YY1: variants seen among roughly 807,000 people sequenced by gnomAD.
YY1 encodes the protein transcriptional repressor protein YY1.
A neutral mutation model predicts 35.6 loss-of-function variants in YY1; 2 were observed. The ratio of observed to expected loss-of-function variants is 0.06; its 90% CI spans 0.02 to 0.18. The LOEUF (loss-of-function observed/expected upper bound fraction) is 0.18. YY1 is among the 10% of genes least tolerant of loss of function. The pLI is 1.00. For missense variants in YY1, 322 were observed against 573.4 expected (o/e 0.56, Z 4.48); for synonymous variants, 268 against 238.9 (o/e 1.12, Z -1.12).
Position 100,250,113 on chromosome 14 carries a change from G to A in YY1, c.679+10190G>A, listed in dbSNP as rs148969053. Among the ~76,000 whole-genome samples, 79 of 152,256 alleles carry A rather than the reference G, an allele frequency of 5.2e-4. 2 individuals are homozygous for A. The highest frequency in any genetic ancestry group is 1.7e-3 in the African/African-American group (70 of 41,540). On this transcript the variant is annotated intron_variant, in intron 1 of 4. Coordinates refer to ENST00000262238, the MANE Select transcript of YY1 (RefSeq NM_003403.5). Reference sequence around the variant, plus strand: ...AGATACATTGCTTGTCATTTCTGAGGTCAGTTTCTTCAGCCAAAAACATAG... The same window carrying A: ...AGATACATTGCTTGTCATTTCTGAGATCAGTTTCTTCAGCCAAAAACATAG...
chr14:100,241,100 T>G (rs761316841), intron 1 of YY1, among the ~76,000 whole-genome samples: 1 of 152,244 alleles, frequency 6.6e-6, no homozygotes, highest in Non-Finnish European at 1.5e-5. Flanking sequence ...AATTCAATGC[T>G]GGTTTTTTAG....
intron 1 of YY1, among the ~76,000 whole-genome samples, chr14:100,253,358 A>T (rs1293948801): frequency 1.3e-5 from 2 of 152,176 alleles, no homozygotes; most frequent in Admixed American, 1.3e-4. Flanking sequence ...CTTTTTCAGT[A>T]GTAATTATGA....
rs571580380 is a variant in YY1, at chr14:100,245,539, G to T, written c.679+5616G>T. The stretch of plus-strand genomic sequence containing the variant: ...TAAACATTTCAGTGTTGATAGATTG[G>T]GGCACAGTACTATATATTTTTTCCC... On this transcript the variant is annotated intron_variant, in intron 1 of 4. Coordinates refer to ENST00000262238, the MANE Select transcript of YY1 (RefSeq NM_003403.5). 1.5e-4 allele frequency among the ~76,000 whole-genome samples: 23 copies of T among 151,756 alleles called. 1 individual carries two copies. In the South Asian group the frequency reaches 4.2e-3, roughly 27 times the overall value.
intron 1 of YY1, among the ~76,000 whole-genome samples, chr14:100,254,815 C>A (rs1274964182): frequency 6.7e-6 from 1 of 150,304 alleles, no homozygotes; most frequent in Admixed American, 6.7e-5. Context: ...CAGTGTCGCC[C>A]GGGCTAGAGT....
intron 1 of YY1, among the ~76,000 whole-genome samples, chr14:100,248,428 A>G (rs1053666710): frequency 5.3e-5 from 8 of 151,850 alleles, no homozygotes; most frequent in African/African-American, 1.2e-4. Context: ...AGCCTACTCA[A>G]TTTCTTAAAG....
chr14:100,255,836 T>G (rs1218964371), intron 1 of YY1, among the ~76,000 whole-genome samples: 1 of 152,226 alleles, frequency 6.6e-6, no homozygotes, highest in Non-Finnish European at 1.5e-5. Flanking sequence ...TCCCTACTTG[T>G]GGACATCTCT....
At chr14:100,275,459 G>A (rs1278747842) in intron 3 of YY1, among the ~76,000 whole-genome samples, 4 of 152,146 alleles carry the variant, frequency 2.6e-5, no homozygotes, top group South Asian at 2.1e-4. Flanking sequence ...TTGATGTGGC[G>A]ATTTGAAATG....
At chr14:100,260,269 G>T (rs1428553193) in intron 1 of YY1, among the ~76,000 whole-genome samples, 1 of 150,888 alleles carries the variant, frequency 6.6e-6, no homozygotes, top group Non-Finnish European at 1.5e-5. Context: ...TAGAGTTGGG[G>T]TTTCATCATG....
intron 1 of YY1, among the ~76,000 whole-genome samples, chr14:100,243,054 CCT>C (rs1595312090): frequency 1.3e-5 from 2 of 152,122 alleles, no homozygotes; most frequent in African/African-American, 4.8e-5. Flanking sequence ...AAACTATCCC[CCT>C]TACTTTTCCT....
intron 1 of YY1, among the ~76,000 whole-genome samples, chr14:100,244,561 A>G (rs1402902153): frequency 2.7e-5 from 4 of 146,400 alleles, no homozygotes; most frequent in Non-Finnish European, 4.5e-5. Flanking sequence ...GGGATTACCA[A>G]CCTGCCCGCC....
At chr14:100,262,162 CA>C (rs371942698) in intron 1 of YY1, 141 bp from the exon 2 acceptor site, 153,176 of 662,116 alleles carry the variant, frequency 0.23, 617 homozygotes, top group South Asian at 0.29. Context: ...GACCGTTCTC[CA>C]AAAAAAAAAA....
At chr14:100,256,414 TC>T (rs1891007093) in intron 1 of YY1, among the ~76,000 whole-genome samples, 2 of 152,188 alleles carry the variant, frequency 1.3e-5, no homozygotes, top group Non-Finnish European at 2.9e-5. Context: ...GCATCCCTGT[TC>T]CTCCCCAACC....
At position 100,239,214 on chromosome 14, in the gene YY1, C is replaced by CGCCGCGGCGG; in HGVS notation, c.-23_-22insGGGCCGCGGC. On this transcript the variant is annotated 5_prime_UTR_variant, in exon 1 of 5. Coordinates refer to ENST00000262238, the MANE Select transcript of YY1 (RefSeq NM_003403.5). The stretch of plus-strand genomic sequence containing the variant: ...CCGCCCGCAGCCGAGGAGCCGAGGC[C>CGCCGCGGCGG]GCCGCGGCCGTGGCGGCGGAGCCCT... 6.9e-7 allele frequency: 1 copy of CGCCGCGGCGG among 1,459,286 alleles called. No homozygotes were observed. The allele number at this position is 1,459,286 out of a possible 1,614,324, so 90.4% of individuals were successfully genotyped here.
chr14:100,259,470 AG>A (rs1891050110), intron 1 of YY1, among the ~76,000 whole-genome samples: 1 of 151,954 alleles, frequency 6.6e-6, no homozygotes, highest in Admixed American at 6.6e-5. Flanking sequence ...CAGTGAGCTG[AG>A]ATTGTGCCAC....
chr14:100,261,766 C>T (rs1367487578), intron 1 of YY1, among the ~76,000 whole-genome samples: 1 of 152,146 alleles, frequency 6.6e-6, no homozygotes, highest in Non-Finnish European at 1.5e-5. Flanking sequence ...TAGCAAGAGA[C>T]TAGCTAAGAG....
rs905889253 is a variant in YY1 at position 100,277,664 on chromosome 14, A to G, written c.*64A>G. The G allele has an allele frequency of 3.3e-6, 5 of 1,508,910 alleles. No homozygotes were observed. The highest frequency in any genetic ancestry group is 4.6e-6 in the Non-Finnish European group (5 of 1,092,374). 93.5% of individuals were successfully genotyped at this position (1,508,910 alleles called of 1,614,324 possible). A position where few individuals can be genotyped will look rare whatever the true frequency, so the allele number is the denominator to read the frequency against. On this transcript the variant is annotated 3_prime_UTR_variant, in exon 5 of 5. Coordinates refer to ENST00000262238, the MANE Select transcript of YY1 (RefSeq NM_003403.5). This position sits in a 1 kb window ranked among gnomAD's most constrained non-coding sequence, Gnocchi z 5.6. ...CTTCCAGAAGTGTGATTGGGAATAA[A>G]TATGCCTCTCCTTTGTATATTATTT...
chr14:100,274,673 C>G, intron 2 of YY1, 25 bp from the exon 3 acceptor site: 1 of 1,605,842 alleles, frequency 6.2e-7, no homozygotes, highest in Non-Finnish European at 8.5e-7. Flanking sequence ...ACAAATCTGT[C>G]TGTCTCTCTT....
chr14:100,245,836 A>G (rs538994388), intron 1 of YY1, among the ~76,000 whole-genome samples: 2 of 151,834 alleles, frequency 1.3e-5, no homozygotes, highest in South Asian at 4.2e-4. Context: ...CAAACTCCTG[A>G]CTTCAGGTGA....
At chr14:100,269,814 A>G (rs540031740) in intron 2 of YY1, among the ~76,000 whole-genome samples, 1 of 152,312 alleles carries the variant, frequency 6.6e-6, no homozygotes, top group East Asian at 1.9e-4. Flanking sequence ...AAAATTAAAT[A>G]TATTTCTAAA....
Sources: gnomAD v4.1 joint callset for allele counts (sites outside exome capture counted in the v4.1 genomes callset) on GRCh38, gnomAD v4.1.1 for gene constraint, Gnocchi (gnomAD v3.1) non-coding constraint, MANE v1.5 for transcripts, NCBI Gene and HGNC (gene_info 2026-07-23, HGNC 2026-07-21) for gene names.